The following SLIT3 variants were observed in gnomAD, a reference collection of about 807,000 sequenced individuals.
The protein encoded by SLIT3 is slit homolog 3 protein.
In SLIT3, 68 loss-of-function variants were observed where a neutral mutation model predicts 184.0. That is an observed-to-expected ratio of 0.37 (90% confidence interval 0.30 to 0.45). The LOEUF is 0.45. Ranked by LOEUF, SLIT3 falls within the 20% of genes least tolerant of loss-of-function variation. The pLI, the probability that SLIT3 is intolerant of heterozygous loss-of-function variation, is 1.00. For missense variants in SLIT3, 1,707 were observed against 2,026.0 expected, an observed-to-expected ratio of 0.84 and a Z score of 3.02; for synonymous variants, 831 against 828.6, an observed-to-expected ratio of 1.00 and a Z score of -0.05.
chr5:168,685,998 C>A, intron 30 of SLIT3, 71 bp from the exon 31 acceptor site: 1 of 1,493,484 alleles, frequency 6.7e-7, no homozygotes. Context: ...GTTACTCAGG[C>A]CAAAGAACCT....
At chr5:169,267,926 A>C (rs1434173510) in intron 1 of SLIT3, among the ~76,000 whole-genome samples, 1 of 152,254 alleles carries the variant, frequency 6.6e-6, no homozygotes, top group South Asian at 2.1e-4. Context: ...CACAGAGCAC[A>C]TACACTATTA....
intron 1 of SLIT3, among the ~76,000 whole-genome samples, chr5:169,283,976 C>T (rs1561786206): frequency 6.6e-6 from 1 of 152,144 alleles, no homozygotes; most frequent in Non-Finnish European, 1.5e-5. Flanking sequence ...CTTCAGGTCC[C>T]AGGAACTACC....
At chr5:169,043,582 T>A (rs1337157298) in intron 4 of SLIT3, among the ~76,000 whole-genome samples, 1 of 152,270 alleles carries the variant, frequency 6.6e-6, no homozygotes, top group Admixed American at 6.5e-5. Context: ...AAACACTTTA[T>A]ATGAGCTATG....
At chr5:169,234,352 G>A (rs968106101) in intron 3 of SLIT3, among the ~76,000 whole-genome samples, 4 of 152,298 alleles carry the variant, frequency 2.6e-5, no homozygotes, top group Admixed American at 2.0e-4. Context: ...TTTTGGAAGT[G>A]TTGACTGTGT....
rs533827248 is a variant in SLIT3, at chr5:169,246,643, G to A, written c.270-1867C>T. On this transcript the variant is annotated intron_variant, in intron 2 of 35. Coordinates refer to ENST00000519560, the MANE Select transcript of SLIT3 (RefSeq NM_003062.4). Reference sequence around the variant, plus strand: ...ATTAGAGGCTTAAGAAATGTTGGCCGGGTGCAGTAGCTTACTCCTGTAATA... The same window carrying A: ...ATTAGAGGCTTAAGAAATGTTGGCCAGGTGCAGTAGCTTACTCCTGTAATA... 1.2e-3 allele frequency among the ~76,000 whole-genome samples: 185 copies of A among 152,232 alleles called. 1 individual carries two copies. Among genetic ancestry groups the A allele is most frequent in the Non-Finnish European group, 2.0e-3 (134 of 68,014 alleles).
intron 1 of SLIT3, among the ~76,000 whole-genome samples, chr5:169,289,150 G>T (rs541423471): frequency 6.6e-6 from 1 of 152,228 alleles, no homozygotes; most frequent in African/African-American, 2.4e-5. Context: ...CAGACAGGTC[G>T]GGCAGTTAGA....
chr5:169,008,391 C>G (rs996564106), intron 4 of SLIT3, among the ~76,000 whole-genome samples: 1 of 152,156 alleles, frequency 6.6e-6, no homozygotes, highest in African/African-American at 2.4e-5. Context: ...GGCCTGACTT[C>G]CCTAGCCATG....
chr5:168,999,015 G>C (rs527667403), intron 4 of SLIT3, among the ~76,000 whole-genome samples: 1 of 152,012 alleles, frequency 6.6e-6, no homozygotes, highest in African/African-American at 2.4e-5. Flanking sequence ...CCAGACTCAA[G>C]TGATTATCCC....
chr5:169,237,384 G>GTGCT (rs1765239580), intron 3 of SLIT3, among the ~76,000 whole-genome samples: 1 of 152,096 alleles, frequency 6.6e-6, no homozygotes, highest in Non-Finnish European at 1.5e-5. Flanking sequence ...ATCCCCCACT[G>GTGCT]TGCTTTATTC....
At chr5:169,235,260 T>G (rs1765155308) in intron 3 of SLIT3, among the ~76,000 whole-genome samples, 1 of 152,196 alleles carries the variant, frequency 6.6e-6, no homozygotes, top group African/African-American at 2.4e-5. Flanking sequence ...CTTCTATTTC[T>G]TTTAAAGCAG....
intron 9 of SLIT3, among the ~76,000 whole-genome samples, chr5:168,806,043 G>A (rs1010917564): frequency 3.9e-5 from 6 of 152,146 alleles, no homozygotes; most frequent in African/African-American, 1.4e-4. Context: ...GACTCTAAGG[G>A]GAGTTTGCAA....
intron 6 of SLIT3, among the ~76,000 whole-genome samples, chr5:168,825,826 C>A (rs1490812831): frequency 6.6e-6 from 1 of 152,188 alleles, no homozygotes; most frequent in South Asian, 2.1e-4. Flanking sequence ...GGCTATGCTT[C>A]TCTCCCCTTC....
chr5:168,833,861 C>G (rs1757958536), intron 6 of SLIT3, among the ~76,000 whole-genome samples: 1 of 152,118 alleles, frequency 6.6e-6, no homozygotes, highest in African/African-American at 2.4e-5. Flanking sequence ...ACCAGCTGAC[C>G]TCCAGGGTCT....
At position 168,678,540 on chromosome 5, in the gene SLIT3, G is replaced by A. The variant is rs546725620; in HGVS notation, c.3687-5209C>T. On this transcript the variant is annotated intron_variant, in intron 32 of 35. Transcript: ENST00000519560. ...CTACTAAAAATACAAAAAATTAGCC[G>A]GGCGTGGTGGCGGGTGCCTGTAGTC... Among the ~76,000 whole-genome samples, 33 of 151,898 alleles carry A rather than the reference G, an allele frequency of 2.2e-4. No individual in the cohort carries two copies. The East Asian group carries it at 3.9e-3, about 18-fold the overall frequency.
At chr5:168,849,952 A>T (rs1168986631) in intron 5 of SLIT3, among the ~76,000 whole-genome samples, 1 of 152,172 alleles carries the variant, frequency 6.6e-6, no homozygotes, top group East Asian at 1.9e-4. Context: ...AGAGAATAGG[A>T]AATCTAGAAG....
At chr5:168,968,612 T>C (rs1754432050) in intron 4 of SLIT3, among the ~76,000 whole-genome samples, 1 of 152,212 alleles carries the variant, frequency 6.6e-6, no homozygotes. Context: ...AAACTTAACA[T>C]GCTCATCCAG....
intron 9 of SLIT3, among the ~76,000 whole-genome samples, chr5:168,802,053 G>C (rs1393644680): frequency 6.6e-6 from 1 of 151,704 alleles, no homozygotes; most frequent in Non-Finnish European, 1.5e-5. Context: ...AATAGGGAGT[G>C]GAGAGCTTAA....
At chr5:168,920,683 C>T (rs1225060971) in intron 4 of SLIT3, among the ~76,000 whole-genome samples, 1 of 152,212 alleles carries the variant, frequency 6.6e-6, no homozygotes, top group African/African-American at 2.4e-5. Context: ...TTCAGGCTTA[C>T]TTCTCTTGGC....
chr5:169,145,904 C>T (rs1363186451), intron 4 of SLIT3, among the ~76,000 whole-genome samples: 1 of 152,074 alleles, frequency 6.6e-6, no homozygotes, highest in Non-Finnish European at 1.5e-5. Context: ...AAAAATTAGC[C>T]AGGTGTGGTG....
Sources: allele counts gnomAD v4.1 joint callset (sites outside exome capture counted in the v4.1 genomes callset), GRCh38; gene constraint gnomAD v4.1.1; transcripts MANE v1.5; gene names NCBI Gene and HGNC (gene_info 2026-07-23, HGNC 2026-07-21).